The following NCAM1 variants were observed in gnomAD, a reference collection of about 807,000 sequenced individuals.
The protein encoded by NCAM1 is antigen recognized by monoclonal antibody 5.1H11.
A neutral mutation model predicts 109.8 loss-of-function variants in NCAM1; 14 were observed. The ratio of observed to expected loss-of-function variants is 0.13; its 90% CI spans 0.08 to 0.20. The LOEUF (loss-of-function observed/expected upper bound fraction) is 0.20. NCAM1 is among the 10% of genes least tolerant of loss of function. The pLI is 1.00. For missense variants in NCAM1, 774 were observed against 1,109.9 expected (o/e 0.70, Z 4.30); for synonymous variants, 418 against 442.9 (o/e 0.94, Z 0.70).
Position 113,277,770 on chromosome 11 carries a change from A to C in NCAM1, c.*2383A>C, listed in dbSNP as rs12291713. The C allele has an allele frequency of 6.4e-3, 1,356 of 210,244 alleles. 14 individuals carry two copies. Among genetic ancestry groups the C allele is most frequent in the African/African-American group, 0.029 (1,227 of 42,606 alleles). The allele number at this position is 210,244 out of a possible 1,614,324, so 13.0% of individuals were successfully genotyped here. ...AACCCTGGCTCTGCCATTAGCTAGG[A>C]CCTAAGACTCTGCCCACATTTTGGT... On this transcript the variant is annotated 3_prime_UTR_variant, in exon 20 of 20. Transcript: ENST00000316851.
In NCAM1 at chr11:113,233,597, G is replaced by T. The variant is rs1555117738; in HGVS notation, c.1693+280G>T. Among the ~76,000 whole-genome samples the T allele has an allele frequency of 6.6e-6, 1 of 152,168 alleles. No homozygotes were observed. Among genetic ancestry groups the T allele is most frequent in the Non-Finnish European group, 1.5e-5 (1 of 68,034 alleles). On this transcript the variant is annotated intron_variant, in intron 13 of 19. Coordinates refer to ENST00000316851, the MANE Select transcript of NCAM1 (RefSeq NM_181351.5). The surrounding 1 kb of genome is among the most constrained non-coding windows in gnomAD (Gnocchi z 4.5). ...GTAGGTTCTGAGCGCAGCCAGATGAGTCCAGCCCATAGGTTCTGAGCATGG... is the reference window on the plus strand; with the variant it reads ...GTAGGTTCTGAGCGCAGCCAGATGATTCCAGCCCATAGGTTCTGAGCATGG...
At chr11:113,118,501 A>G (rs1940806790) in intron 1 of NCAM1, among the ~76,000 whole-genome samples, 1 of 151,976 alleles carries the variant, frequency 6.6e-6, no homozygotes, top group South Asian at 2.1e-4. Flanking sequence ...TTTGAGAATG[A>G]AAAGGGGAGC....
chr11:113,256,885 G>A (rs1349443535), intron 16 of NCAM1, among the ~76,000 whole-genome samples: 8 of 152,232 alleles, frequency 5.3e-5, no homozygotes, highest in African/African-American at 1.9e-4. Context: ...GAACCAGGGA[G>A]CAGTTTCCTT....
intron 1 of NCAM1, among the ~76,000 whole-genome samples, chr11:113,085,725 G>A (rs1939051126): frequency 6.6e-6 from 1 of 152,114 alleles, no homozygotes; most frequent in Admixed American, 6.5e-5. Flanking sequence ...TTGGTTATGA[G>A]GACCCTTAAA....
chr11:113,117,521 C>G (rs1940764148), intron 1 of NCAM1, among the ~76,000 whole-genome samples: 1 of 151,966 alleles, frequency 6.6e-6, no homozygotes. Context: ...GGCGTTTTTG[C>G]TTTAAACCTA....
rs1347681270 is a variant in NCAM1 at position 112,962,973 on chromosome 11, C to T, written c.52+1309C>T. On this transcript the variant is annotated intron_variant, in intron 1 of 19. Coordinates refer to ENST00000316851, the MANE Select transcript of NCAM1 (RefSeq NM_181351.5). This position sits in a 1 kb window ranked among gnomAD's most constrained non-coding sequence, Gnocchi z 5.6. ...GTACCTGCCCTGGACGGCCGACCCCCGGTTGGGGAGCGCACGGGGCGGGCC... is the reference window on the plus strand; with the variant it reads ...GTACCTGCCCTGGACGGCCGACCCCTGGTTGGGGAGCGCACGGGGCGGGCC... Among the ~76,000 whole-genome samples the T allele has an allele frequency of 6.6e-6, 1 of 151,826 alleles. No homozygotes were observed. The highest frequency in any genetic ancestry group is 2.4e-5 in the African/African-American group (1 of 41,364).
At chr11:112,964,149 T>G (rs1174554656) in intron 1 of NCAM1, among the ~76,000 whole-genome samples, 8 of 2,422 alleles carry the variant, frequency 3.3e-3, no homozygotes, top group African/African-American at 9.5e-3. Flanking sequence ...TGTTTTTTTT[T>G]TTTTTGTTTT....
chr11:113,250,423 C>T (rs797044360), intron 15 of NCAM1, among the ~76,000 whole-genome samples: 38 of 152,342 alleles, frequency 2.5e-4, no homozygotes, highest in African/African-American at 8.7e-4. Context: ...TGCTGATCCC[C>T]TAAGGACCAG....
Position 113,270,261 on chromosome 11 carries a change from C to T in NCAM1, c.2205C>T (p.Leu735=), listed in dbSNP as rs782613669. The T allele has an allele frequency of 1.5e-5, 25 of 1,613,932 alleles. No homozygotes were observed. The highest frequency in any genetic ancestry group is 2.1e-5 in the Non-Finnish European group (25 of 1,179,912). The change falls in exon 18 of 20, where the codon CTC becomes CTT. Residue 735 remains leucine, a synonymous_variant. Coordinates refer to ENST00000316851, the MANE Select transcript of NCAM1 (RefSeq NM_181351.5). ...TCCTCATCGTCATCTTCGTCCTGCT[C>T]CTGGTGGTTGTGGACATCACCTGCT... is the stretch of plus-strand genomic sequence containing the variant. ...VGILIVIFVL[L]LVVVDITCYF... is the part of the protein sequence containing the mutation.
At position 113,205,642 on chromosome 11, in the gene NCAM1, C is replaced by A; in HGVS notation, c.466C>A (p.Arg156=). The A allele has an allele frequency of 1.2e-6, 2 of 1,613,524 alleles. No homozygotes were observed. Among genetic ancestry groups the A allele is most frequent in the Non-Finnish European group, 1.7e-6 (2 of 1,179,740 alleles). Residue 156 remains arginine (R), a synonymous_variant, in exon 4 of 20, where the codon CGA becomes AGA. Coordinates refer to ENST00000316851, the MANE Select transcript of NCAM1 (RefSeq NM_181351.5). ...AACCATCATCTGGAAACACAAAGGC[C>A]GAGATGTCATCCTGAAAAAAGATGG... ...PPTIIWKHKG[R]DVILKKDVRF...
rs1945068931 is a variant in NCAM1 at position 113,233,433 on chromosome 11, A to AGGTC, written c.1693+117_1693+120dup. The AGGTC allele has an allele frequency of 3.5e-6, 4 of 1,145,402 alleles. No individual in the cohort carries two copies. Among genetic ancestry groups the AGGTC allele is most frequent in the Non-Finnish European group, 5.0e-6 (4 of 807,174 alleles). 71.0% of individuals were successfully genotyped at this position (1,145,402 alleles called of 1,614,324 possible). ...AATCAGGAACTGCACCTCCAGAATTAGGTCAAAGTCATATCTGCCTGTAGA... is the reference window on the plus strand; with the variant it reads ...AATCAGGAACTGCACCTCCAGAATTAGGTCGGTCAAAGTCATATCTGCCTGTAGA... On this transcript the variant is annotated intron_variant, in intron 13 of 19. Transcript: ENST00000316851. This position sits in a 1 kb window ranked among gnomAD's most constrained non-coding sequence, Gnocchi z 4.5.
Position 113,232,365 on chromosome 11 carries a change from A to T in NCAM1, c.1425+11A>T. Reference sequence around the variant, plus strand: ...GCCAGCTATCTGGAGGTGAGTCAGGATGGGGGTGGGACAGAGCAGAGAAAG... The same window carrying T: ...GCCAGCTATCTGGAGGTGAGTCAGGTTGGGGGTGGGACAGAGCAGAGAAAG... On this transcript the variant is annotated intron_variant, in intron 11 of 19. Transcript: ENST00000316851. 6.2e-7 allele frequency: 1 copy of T among 1,601,992 alleles called. No homozygotes were observed. The highest frequency in any genetic ancestry group is 8.5e-7 in the Non-Finnish European group (1 of 1,173,650).
Position 113,233,459 on chromosome 11 carries a change from G to A in NCAM1, c.1693+142G>A. On this transcript the variant is annotated intron_variant, in intron 13 of 19. Coordinates refer to ENST00000316851, the MANE Select transcript of NCAM1 (RefSeq NM_181351.5). This position sits in a 1 kb window ranked among gnomAD's most constrained non-coding sequence, Gnocchi z 4.5. ...GGTCAAAGTCATATCTGCCTGTAGA[G>A]TTGTTGCCCCTATTGCCACCCCAAC... 1 of 943,694 alleles carries A rather than the reference G, an allele frequency of 1.1e-6. No homozygotes were observed. The highest frequency in any genetic ancestry group is 1.6e-6 in the Non-Finnish European group (1 of 635,698). The allele number at this position is 943,694 out of a possible 1,614,324, so 58.5% of individuals were successfully genotyped here. A position where few individuals can be genotyped will look rare whatever the true frequency, so the allele number is the denominator to read the frequency against.
chr11:113,156,036 A>G (rs28463004), intron 1 of NCAM1, among the ~76,000 whole-genome samples: 21,108 of 152,172 alleles, frequency 0.14, 1,634 homozygotes, highest in East Asian at 0.26. Context: ...GTCTGAGCAA[A>G]TGGCACACAA....
At chr11:113,232,095 C>T in intron 10 of NCAM1, 75 bp from the exon 11 acceptor site, 4 of 1,393,344 alleles carry the variant, frequency 2.9e-6, no homozygotes, top group Non-Finnish European at 3.9e-6. Context: ...ACCTGCCTTC[C>T]CAGTGCCAGG....
intron 1 of NCAM1, among the ~76,000 whole-genome samples, chr11:113,196,097 G>T (rs1275002584): frequency 6.6e-6 from 1 of 152,190 alleles, no homozygotes; most frequent in East Asian, 1.9e-4. Context: ...CAGACTCTGA[G>T]ATTCATCTGA....
intron 1 of NCAM1, among the ~76,000 whole-genome samples, chr11:113,121,537 C>CAAAAAAAAAAAAA (rs3051887): frequency 2.2e-5 from 2 of 92,428 alleles, no homozygotes; most frequent in African/African-American, 4.5e-5. Context: ...ACCAATCTTA[C>CAAAAAAAAAAAAA]AAAAAAAAAA....
At chr11:113,150,682 C>G (rs1197061363) in intron 1 of NCAM1, among the ~76,000 whole-genome samples, 1 of 152,116 alleles carries the variant, frequency 6.6e-6, no homozygotes, top group Non-Finnish European at 1.5e-5. Context: ...CTTTCTGTTC[C>G]CAAACTGTTG....
intron 1 of NCAM1, among the ~76,000 whole-genome samples, chr11:113,023,663 T>A (rs375768173): frequency 6.6e-6 from 1 of 152,238 alleles, no homozygotes. Flanking sequence ...TTTGTGTTTG[T>A]GTATCTAAGT....
Sources: gnomAD v4.1 joint callset for allele counts (sites outside exome capture counted in the v4.1 genomes callset) on GRCh38, gnomAD v4.1.1 for gene constraint, Gnocchi (gnomAD v3.1) non-coding constraint, MANE v1.5 for transcripts, NCBI Gene and HGNC (gene_info 2026-07-23, HGNC 2026-07-21) for gene names.